The following LIFR variants were observed in gnomAD, a reference collection of about 807,000 sequenced individuals.
The protein encoded by LIFR is leukemia inhibitory factor receptor.
In LIFR, 84 loss-of-function variants were observed where a neutral mutation model predicts 122.2. The observed-to-expected ratio is 0.69, with a 90% CI of 0.58 to 0.82. The LOEUF (loss-of-function observed/expected upper bound fraction) is 0.82. LIFR is among the 40% of genes least tolerant of loss of function. The probability of loss-of-function intolerance (pLI) is 0.00; values close to 1 mark genes in which losing one functional copy is unlikely to be tolerated. For missense variants in LIFR, 1,294 were observed against 1,311.6 expected, an observed-to-expected ratio of 0.99 and a Z score of 0.21; for synonymous variants, 422 against 434.7, an observed-to-expected ratio of 0.97 and a Z score of 0.36.
At chr5:38,562,037 G>A (rs1289799414) in intron 1 of LIFR, among the ~76,000 whole-genome samples, 1 of 152,164 alleles carries the variant, frequency 6.6e-6, no homozygotes, top group Non-Finnish European at 1.5e-5. Flanking sequence ...CCTAGTGTTG[G>A]GGATCGTGGG....
At position 38,563,468 on chromosome 5, in the gene LIFR, A is replaced by G. The variant is rs147413485; in HGVS notation, c.-20+31793T>C. ...CTTTCTCTGTGTTTTATATATGTAG[A>G]TATTAGTCTCACTTTACAGGTGAAG... On this transcript the variant is annotated intron_variant, in intron 1 of 19. Transcript: ENST00000263409. Among the ~76,000 whole-genome samples, 1,394 of 152,316 alleles carry G rather than the reference A, an allele frequency of 9.2e-3. 22 individuals carry two copies. Among genetic ancestry groups the G allele is most frequent in the Non-Finnish European group, 0.012 (809 of 68,024 alleles).
chr5:38,552,521 C>G (rs1748257776), intron 1 of LIFR, among the ~76,000 whole-genome samples: 2 of 152,180 alleles, frequency 1.3e-5, no homozygotes, highest in African/African-American at 4.8e-5. Flanking sequence ...AATACACACA[C>G]CCACACACAA....
chr5:38,589,718 ATGTGTGTG>A (rs35505046), intron 1 of LIFR, among the ~76,000 whole-genome samples: 5 of 146,288 alleles, frequency 3.4e-5, no homozygotes, highest in South Asian at 4.5e-4. Flanking sequence ...AGAGAAGAAA[ATGTGTGTG>A]TGTGTGTGTG....
intron 1 of LIFR, among the ~76,000 whole-genome samples, chr5:38,584,986 A>G (rs891661564): frequency 6.6e-6 from 1 of 152,202 alleles, no homozygotes; most frequent in African/African-American, 2.4e-5. Context: ...AGCCTCAAAT[A>G]TACACAGTAA....
intron 2 of LIFR, among the ~76,000 whole-genome samples, chr5:38,602,888 G>C (rs1750249644): frequency 6.6e-6 from 1 of 152,128 alleles, no homozygotes; most frequent in South Asian, 2.1e-4. Context: ...AGACACCTGG[G>C]AAAAACAACT....
intron 5 of LIFR, among the ~76,000 whole-genome samples, chr5:38,515,274 A>G (rs1037197132): frequency 6.6e-5 from 10 of 152,096 alleles, no homozygotes; most frequent in Non-Finnish European, 1.5e-4. Flanking sequence ...TGCTATACAA[A>G]TATTATCAGT....
chr5:38,477,485 C>T lies in LIFR; in HGVS notation c.*4110G>A, dbSNP rs886239393. The T allele has an allele frequency of 6.0e-5, 13 of 215,350 alleles. No homozygotes were observed. The highest frequency in any genetic ancestry group is 2.5e-4 in the African/African-American group (11 of 44,354). The allele number at this position is 215,350 out of a possible 1,614,324, so 13.3% of individuals were successfully genotyped here. On this transcript the variant is annotated 3_prime_UTR_variant, in exon 20 of 20. Coordinates refer to ENST00000453190, the MANE Select transcript of LIFR (RefSeq NM_001127671.2). ...GTTCTGAATCAGTTAACCTCACACA[C>T]GGACACACTGTTGGGCAGAACACAT...
At chr5:38,580,804 C>T (rs544454550) in intron 1 of LIFR, among the ~76,000 whole-genome samples, 2 of 152,296 alleles carry the variant, frequency 1.3e-5, no homozygotes, top group South Asian at 4.1e-4. Flanking sequence ...CTCTGTCACC[C>T]CTAAGCTTCA....
intron 10 of LIFR, 31 bp from the exon 11 acceptor site, chr5:38,502,830 G>A: frequency 3.6e-5 from 42 of 1,183,002 alleles, no homozygotes; most frequent in African/African-American, 4.6e-5. Context: ...ATATATATAT[G>A]TATATATTAT....
At chr5:38,593,367 G>A (rs1347670622) in intron 1 of LIFR, among the ~76,000 whole-genome samples, 1 of 152,174 alleles carries the variant, frequency 6.6e-6, no homozygotes, top group Non-Finnish European at 1.5e-5. Flanking sequence ...TAATACAATT[G>A]TTGCTTGCCA....
At chr5:38,591,499 C>G (rs1382065593) in intron 1 of LIFR, among the ~76,000 whole-genome samples, 1 of 152,158 alleles carries the variant, frequency 6.6e-6, no homozygotes, top group East Asian at 1.9e-4. Context: ...TAACGTTATG[C>G]TTTAACTTTT....
At chr5:38,553,620 AAC>A (rs1189291762) in intron 1 of LIFR, among the ~76,000 whole-genome samples, 22 of 80,608 alleles carry the variant, frequency 2.7e-4, no homozygotes, top group Non-Finnish European at 4.3e-4. Flanking sequence ...GGACCATTTA[AAC>A]TATATATATA....
intron 1 of LIFR, among the ~76,000 whole-genome samples, chr5:38,592,026 C>T (rs1749936180): frequency 6.6e-6 from 1 of 152,174 alleles, no homozygotes; most frequent in African/African-American, 2.4e-5. Flanking sequence ...CCAAGAACCA[C>T]AATCCATAGT....
At chr5:38,573,765 T>C (rs527266243) in intron 1 of LIFR, among the ~76,000 whole-genome samples, 11 of 152,190 alleles carry the variant, frequency 7.2e-5, no homozygotes, top group Non-Finnish European at 1.5e-4. Context: ...TTCCTGATTT[T>C]GTCACCACTC....
In LIFR at chr5:38,480,831, G is replaced by A. The variant is rs1007554825; in HGVS notation, c.*764C>T. 7.4e-5 allele frequency: 16 copies of A among 215,014 alleles called. No individual in the cohort carries two copies. The highest frequency in any genetic ancestry group is 3.2e-4 in the African/African-American group (14 of 44,288). 13.3% of individuals were successfully genotyped at this position (215,014 alleles called of 1,614,324 possible). A position where few individuals can be genotyped will look rare whatever the true frequency, so the allele number is the denominator to read the frequency against. ...AGAAGTGTAAATTTTAAATATTAGG[G>A]CAACCAACTGAAATAATGGAAGCAA... On this transcript the variant is annotated 3_prime_UTR_variant, in exon 20 of 20. Coordinates refer to ENST00000453190, the MANE Select transcript of LIFR (RefSeq NM_001127671.2).
Position 38,499,720 on chromosome 5 carries a change from C to T in LIFR, c.1601-137G>A, listed in dbSNP as rs184255516. On this transcript the variant is annotated intron_variant, in intron 11 of 19. Transcript: ENST00000453190. ...AGTGGCTTCCACTTAGAAAATGAAGCAATGGAAAATCTAAGCTCTCAACAA... is the reference window on the plus strand; with the variant it reads ...AGTGGCTTCCACTTAGAAAATGAAGTAATGGAAAATCTAAGCTCTCAACAA... 2.3e-4 allele frequency: 161 copies of T among 704,642 alleles called. No homozygotes were observed. The Middle Eastern group carries it at 5.1e-3, about 22-fold the overall frequency. The allele number at this position is 704,642 out of a possible 1,614,324, so 43.6% of individuals were successfully genotyped here.
intron 4 of LIFR, among the ~76,000 whole-genome samples, chr5:38,526,415 C>CTGTGTG (rs34077685): frequency 2.7e-5 from 4 of 148,112 alleles, no homozygotes; most frequent in African/African-American, 4.9e-5. Context: ...ACAAACTTTA[C>CTGTGTG]TGTGTGTGTG....
At chr5:38,516,522 A>G (rs1222651557) in intron 5 of LIFR, among the ~76,000 whole-genome samples, 2 of 152,216 alleles carry the variant, frequency 1.3e-5, no homozygotes, top group African/African-American at 4.8e-5. Context: ...ATCTCATGCC[A>G]GTTAGAATGG....
chr5:38,535,803 C>T (rs1747267092), intron 1 of LIFR, among the ~76,000 whole-genome samples: 1 of 152,176 alleles, frequency 6.6e-6, no homozygotes, highest in African/African-American at 2.4e-5. Context: ...ACACAGTATA[C>T]TTTCATTGTT....
Sources: allele counts gnomAD v4.1 joint callset (sites outside exome capture counted in the v4.1 genomes callset), GRCh38; gene constraint gnomAD v4.1.1; transcripts MANE v1.5; gene names NCBI Gene and HGNC (gene_info 2026-07-23, HGNC 2026-07-21).